CNTNAP2: variants seen among roughly 807,000 people sequenced by gnomAD.
CNTNAP2 encodes the protein contactin associated protein 2.
A neutral mutation model predicts 155.2 loss-of-function variants in CNTNAP2; 98 were observed. That is an observed-to-expected ratio of 0.63 (90% confidence interval 0.54 to 0.75). The LOEUF is 0.75. Ranked by LOEUF, CNTNAP2 falls within the 30% of genes least tolerant of loss-of-function variation. The probability of loss-of-function intolerance (pLI) is 0.00; values close to 1 mark genes in which losing one functional copy is unlikely to be tolerated. For synonymous variants in CNTNAP2, 651 were observed against 631.2 expected (o/e 1.03, Z -0.47); for missense variants, 1,727 against 1,688.1 (o/e 1.02, Z -0.40).
At position 147,380,956 on chromosome 7, in the gene CNTNAP2, G is replaced by A. The variant is rs183697326; in HGVS notation, c.1499-14653G>A. Among the ~76,000 whole-genome samples, 51 of 152,034 alleles carry A rather than the reference G, an allele frequency of 3.4e-4. 1 individual carries two copies. The highest frequency in any genetic ancestry group is 1.1e-3 in the Admixed American group (17 of 15,244). ...AGACTTTCAAAATGACAATATAGAC[G>A]AGACTAAGAAATTATTTTCTGGGTT... On this transcript the variant is annotated intron_variant, in intron 9 of 23. Coordinates refer to ENST00000361727, the MANE Select transcript of CNTNAP2 (RefSeq NM_014141.6).
intron 1 of CNTNAP2, among the ~76,000 whole-genome samples, chr7:146,442,734 T>C (rs2129119991): frequency 6.6e-6 from 1 of 152,278 alleles, no homozygotes; most frequent in Non-Finnish European, 1.5e-5. Context: ...ACAGCACACC[T>C]AGCCCTGTTC....
chr7:146,558,677 T>G (rs866348802), intron 1 of CNTNAP2, among the ~76,000 whole-genome samples: 14 of 152,318 alleles, frequency 9.2e-5, no homozygotes, highest in Middle Eastern at 3.4e-3. Context: ...TATTGTTAAC[T>G]CAAGGTGGAT....
At chr7:147,353,018 A>G (rs1236700913) in intron 9 of CNTNAP2, among the ~76,000 whole-genome samples, 2 of 151,510 alleles carry the variant, frequency 1.3e-5, no homozygotes, top group Non-Finnish European at 2.9e-5. Flanking sequence ...CTCTATAGCA[A>G]TTAGTCACTC....
At chr7:147,387,011 T>C (rs1796636273) in intron 9 of CNTNAP2, among the ~76,000 whole-genome samples, 2 of 152,044 alleles carry the variant, frequency 1.3e-5, no homozygotes, top group Admixed American at 1.3e-4. Flanking sequence ...AGAGAACTTG[T>C]GCAGGGAAAC....
intron 8 of CNTNAP2, among the ~76,000 whole-genome samples, chr7:147,137,099 C>T (rs1489829239): frequency 6.6e-6 from 1 of 151,584 alleles, no homozygotes; most frequent in Non-Finnish European, 1.5e-5. Flanking sequence ...AATAAAGAAG[C>T]ACCCAGAGTT....
intron 21 of CNTNAP2, among the ~76,000 whole-genome samples, chr7:148,282,273 A>AAT (rs1796987503): frequency 2.0e-5 from 3 of 152,252 alleles, no homozygotes; most frequent in African/African-American, 7.2e-5. Context: ...TGCAAAGGCA[A>AAT]ATCTTGTCAT....
intron 1 of CNTNAP2, among the ~76,000 whole-genome samples, chr7:146,630,295 C>T (rs531156022): frequency 1.3e-5 from 2 of 152,078 alleles, no homozygotes; most frequent in African/African-American, 2.4e-5. Flanking sequence ...CATCCATGTC[C>T]CTGCAAAGGA....
chr7:146,241,808 T>C (rs1563003804), intron 1 of CNTNAP2, among the ~76,000 whole-genome samples: 1 of 150,894 alleles, frequency 6.6e-6, no homozygotes. Context: ...AAATTTGAAA[T>C]TATATATATA....
chr7:147,061,863 G>A (rs146942912), intron 4 of CNTNAP2, among the ~76,000 whole-genome samples: 2 of 151,884 alleles, frequency 1.3e-5, no homozygotes, highest in Non-Finnish European at 2.9e-5. Context: ...GGCCGGGCAC[G>A]GTGGCTCACG....
intron 1 of CNTNAP2, among the ~76,000 whole-genome samples, chr7:146,581,723 A>T (rs1455382242): frequency 6.6e-6 from 1 of 152,058 alleles, no homozygotes; most frequent in East Asian, 1.9e-4. Flanking sequence ...TTTCATATAA[A>T]ATTAGAATGA....
At chr7:147,353,320 C>T (rs1482260107) in intron 9 of CNTNAP2, among the ~76,000 whole-genome samples, 1 of 151,902 alleles carries the variant, frequency 6.6e-6, no homozygotes, top group Non-Finnish European at 1.5e-5. Context: ...CCGACAGGCC[C>T]CAGTATGTGA....
chr7:147,420,377 T>A (rs998182265), intron 10 of CNTNAP2, among the ~76,000 whole-genome samples: 2 of 152,240 alleles, frequency 1.3e-5, no homozygotes, highest in Non-Finnish European at 2.9e-5. Context: ...AGTTAATTAT[T>A]TTCATTAAAT....
At chr7:146,904,762 C>T (rs373494806) in intron 3 of CNTNAP2, among the ~76,000 whole-genome samples, 17 of 152,194 alleles carry the variant, frequency 1.1e-4, no homozygotes, top group Non-Finnish European at 2.4e-4. Context: ...TGAGCCACCG[C>T]GTCCGGCCGA....
chr7:146,411,846 A>ATTTTT lies in CNTNAP2; in HGVS notation c.97+294877_97+294878insTTTTT, dbSNP rs754874287. Among the ~76,000 whole-genome samples the ATTTTT allele has an allele frequency of 3.8e-3, 321 of 85,174 alleles. 3 individuals are homozygous for ATTTTT. Among genetic ancestry groups the ATTTTT allele is most frequent in the African/African-American group, 0.01 (309 of 30,550 alleles). 55.9% of individuals were successfully genotyped at this position (85,174 alleles called of 152,430 possible). A position where few individuals can be genotyped will look rare whatever the true frequency, so the allele number is the denominator to read the frequency against. On this transcript the variant is annotated intron_variant, in intron 1 of 23. Coordinates refer to ENST00000361727, the MANE Select transcript of CNTNAP2 (RefSeq NM_014141.6). ...TATTTACTTATTTATTTATTTATTT[A>ATTTTT]TTTTATTTGAGATAGAGTCTCTCTC... is the stretch of plus-strand genomic sequence containing the variant.
chr7:147,113,269 C>A (rs573677404), intron 5 of CNTNAP2, among the ~76,000 whole-genome samples: 1 of 152,134 alleles, frequency 6.6e-6, no homozygotes, highest in South Asian at 2.1e-4. Flanking sequence ...AAATGTATTT[C>A]TGTGAGGTCA....
At chr7:147,686,181 G>T (rs558320467) in intron 13 of CNTNAP2, among the ~76,000 whole-genome samples, 17 of 152,168 alleles carry the variant, frequency 1.1e-4, no homozygotes, top group African/African-American at 4.1e-4. Context: ...AGTGATATAG[G>T]TGATGAGAAT....
At chr7:148,076,487 G>A (rs1803489019) in intron 15 of CNTNAP2, among the ~76,000 whole-genome samples, 1 of 128,434 alleles carries the variant, frequency 7.8e-6, no homozygotes, top group Non-Finnish European at 1.6e-5. Context: ...CCAGGCTGGA[G>A]TGCAGTGGCC....
intron 5 of CNTNAP2, among the ~76,000 whole-genome samples, chr7:147,111,092 A>G (rs1800868852): frequency 6.6e-6 from 1 of 152,186 alleles, no homozygotes; most frequent in Admixed American, 6.5e-5. Flanking sequence ...ATGGTATCTC[A>G]TTGCAGTTTT....
At position 147,951,104 on chromosome 7, in the gene CNTNAP2, C is replaced by A. The variant is rs184959068; in HGVS notation, c.2256-26758C>A. ...TCCTATCTTGGTAATTATCTGATAG[C>A]GATTTAATTCTCAGGCCCAGCCGAG... On this transcript the variant is annotated intron_variant, in intron 14 of 23. Coordinates refer to ENST00000361727, the MANE Select transcript of CNTNAP2 (RefSeq NM_014141.6). 8.5e-3 allele frequency among the ~76,000 whole-genome samples: 1,301 copies of A among 152,246 alleles called. 8 individuals are homozygous for A. Among genetic ancestry groups the A allele is most frequent in the Non-Finnish European group, 0.012 (841 of 68,020 alleles).
Sources: allele counts gnomAD v4.1 joint callset (sites outside exome capture counted in the v4.1 genomes callset), GRCh38; gene constraint gnomAD v4.1.1; transcripts MANE v1.5; gene names NCBI Gene and HGNC (gene_info 2026-07-23, HGNC 2026-07-21).